SEMA3A: variants seen among roughly 807,000 people sequenced by gnomAD.
SEMA3A encodes semaphorin 3A.
SEMA3A carries 29 observed loss-of-function variants against 97.9 expected under a neutral mutation model. That is an observed-to-expected ratio of 0.30 (90% confidence interval 0.22 to 0.40). SEMA3A has a LOEUF of 0.40. SEMA3A is among the 10% of genes least tolerant of loss of function. The pLI, the probability that SEMA3A is intolerant of heterozygous loss-of-function variation, is 1.00. For missense variants in SEMA3A, 763 were observed against 951.3 expected (o/e 0.80, Z 2.60); for synonymous variants, 321 against 323.7 (o/e 0.99, Z 0.09).
intron 15 of SEMA3A, among the ~76,000 whole-genome samples, chr7:83,968,896 C>G (rs192548838): frequency 0.025 from 3,793 of 149,860 alleles, 92 homozygotes; most frequent in Middle Eastern, 0.048. Flanking sequence ...CTGCAACCTC[C>G]GCCTCCCAGG....
At chr7:84,470,259 AAGG>A (rs1194892996) in intron 1 of SEMA3A, among the ~76,000 whole-genome samples, 2 of 152,198 alleles carry the variant, frequency 1.3e-5, no homozygotes, top group Admixed American at 6.5e-5. Flanking sequence ...AGAATTAAAT[AAGG>A]AGAAGTGTTT....
At chr7:84,212,640 A>G (rs1215979940) in intron 3 of SEMA3A, among the ~76,000 whole-genome samples, 1 of 152,190 alleles carries the variant, frequency 6.6e-6, no homozygotes, top group Non-Finnish European at 1.5e-5. Context: ...CCTCTGTTGG[A>G]GAACTGATAT....
At chr7:84,306,956 A>G (rs1401084093) in intron 3 of SEMA3A, among the ~76,000 whole-genome samples, 2 of 152,018 alleles carry the variant, frequency 1.3e-5, no homozygotes, top group African/African-American at 4.8e-5. Context: ...TTTTTTTTTA[A>G]ACCAAAATGG....
chr7:84,381,233 G>T (rs956439627), intron 1 of SEMA3A, among the ~76,000 whole-genome samples: 1 of 152,152 alleles, frequency 6.6e-6, no homozygotes, highest in African/African-American at 2.4e-5. Flanking sequence ...AATGGTCATG[G>T]TGGGGAGAAA....
chr7:84,258,655 A>G (rs1799772760), intron 3 of SEMA3A, among the ~76,000 whole-genome samples: 1 of 152,190 alleles, frequency 6.6e-6, no homozygotes, highest in South Asian at 2.1e-4. Flanking sequence ...GTCACAATGC[A>G]TATTTGCTTA....
intron 2 of SEMA3A, among the ~76,000 whole-genome samples, chr7:84,335,726 A>G (rs749915904): frequency 2.0e-5 from 3 of 152,150 alleles, no homozygotes; most frequent in Non-Finnish European, 4.4e-5. Flanking sequence ...CATTATCTCA[A>G]ATTTCAGAAG....
chr7:83,993,800 T>G (rs1290600435), intron 12 of SEMA3A, among the ~76,000 whole-genome samples: 1 of 127,746 alleles, frequency 7.8e-6, no homozygotes, highest in African/African-American at 3.1e-5. Flanking sequence ...TGTCTTGGAG[T>G]TGCTCTTCTC....
chr7:84,138,977 A>C (rs1174306572), intron 1 of SEMA3A, among the ~76,000 whole-genome samples: 1 of 152,078 alleles, frequency 6.6e-6, no homozygotes, highest in Non-Finnish European at 1.5e-5. Context: ...TTCCTTAGTT[A>C]AATGCATGAC....
chr7:84,236,169 CT>C (rs1223774522), intron 3 of SEMA3A, among the ~76,000 whole-genome samples: 2 of 152,078 alleles, frequency 1.3e-5, no homozygotes, highest in Non-Finnish European at 2.9e-5. Context: ...GGCCACTCTC[CT>C]TTGCTTGGGT....
intron 3 of SEMA3A, among the ~76,000 whole-genome samples, chr7:84,273,947 T>A (rs995047044): frequency 1.3e-5 from 2 of 152,054 alleles, no homozygotes; most frequent in Admixed American, 6.6e-5. Context: ...TCTCCAAAAT[T>A]TGTTAATCTT....
intron 9 of SEMA3A, 120 bp from the exon 10 acceptor site, chr7:84,007,617 G>A: frequency 2.3e-6 from 2 of 872,896 alleles, no homozygotes; most frequent in Non-Finnish European, 3.1e-6. Context: ...TAAATTCTTA[G>A]CAATAATGTT....
At chr7:84,194,383 T>C (rs746782609) in intron 1 of SEMA3A, 92 bp downstream of exon 1, 11 of 786,204 alleles carry the variant, frequency 1.4e-5, no homozygotes, top group Non-Finnish European at 2.4e-5. Context: ...AAACTAAAGG[T>C]TTGATGATTT....
chr7:84,157,492 T>C (rs1328818480), intron 1 of SEMA3A, among the ~76,000 whole-genome samples: 1 of 152,186 alleles, frequency 6.6e-6, no homozygotes, highest in Non-Finnish European at 1.5e-5. Flanking sequence ...AAGGGGACGC[T>C]GGAGAGCAGA....
At chr7:84,440,924 C>T (rs973332980) in intron 1 of SEMA3A, among the ~76,000 whole-genome samples, 10 of 152,028 alleles carry the variant, frequency 6.6e-5, no homozygotes, top group Non-Finnish European at 1.5e-4. Context: ...TTTGGGAGGC[C>T]GAGGTGGGCA....
intron 16 of SEMA3A, 30 bp downstream of exon 16, chr7:83,963,175 T>G: frequency 6.2e-7 from 1 of 1,608,190 alleles, no homozygotes; most frequent in Non-Finnish European, 8.5e-7. Context: ...ATCTTAGATA[T>G]AAATGATCCA....
intron 3 of SEMA3A, among the ~76,000 whole-genome samples, chr7:84,266,213 C>G (rs2115682054): frequency 6.8e-6 from 1 of 146,162 alleles, no homozygotes; most frequent in East Asian, 2.1e-4. Flanking sequence ...CCCAGCTACT[C>G]AGGAAGCTGA....
intron 11 of SEMA3A, among the ~76,000 whole-genome samples, chr7:84,004,592 G>A (rs1378788876): frequency 6.6e-6 from 1 of 152,070 alleles, no homozygotes; most frequent in East Asian, 1.9e-4. Flanking sequence ...CAGGATTTGA[G>A]TAATATATCT....
intron 2 of SEMA3A, among the ~76,000 whole-genome samples, chr7:84,347,116 A>G (rs1205935689): frequency 1.3e-5 from 2 of 152,212 alleles, no homozygotes; most frequent in African/African-American, 4.8e-5. Flanking sequence ...ACTGCTTTGG[A>G]AAACAAGTCA....
At chr7:84,341,634 C>A (rs1159846517) in intron 2 of SEMA3A, among the ~76,000 whole-genome samples, 1 of 151,972 alleles carries the variant, frequency 6.6e-6, no homozygotes, top group Non-Finnish European at 1.5e-5. Flanking sequence ...CTACTTCTGC[C>A]CGAACAGTAT....
Sources: gnomAD v4.1 joint callset for allele counts (sites outside exome capture counted in the v4.1 genomes callset) on GRCh38, gnomAD v4.1.1 for gene constraint, MANE v1.5 for transcripts, NCBI Gene and HGNC (gene_info 2026-07-23, HGNC 2026-07-21) for gene names.